Variants in STK31 observed in about 807,000 individuals in gnomAD.
STK31 encodes serine/threonine-protein kinase 31.
In STK31, 89 loss-of-function variants were observed where a neutral mutation model predicts 129.7. The observed-to-expected ratio is 0.69, with a 90% CI of 0.58 to 0.82. The LOEUF (loss-of-function observed/expected upper bound fraction) is 0.82, where lower values mean the gene tolerates loss of function less well. Among genes scored for constraint, STK31 ranks in the 40% least tolerant of loss-of-function variants. The pLI, the probability that STK31 is intolerant of heterozygous loss-of-function variation, is 0.00. For missense variants in STK31, 1,187 were observed against 1,176.4 expected (o/e 1.01, Z -0.13); for synonymous variants, 448 against 395.3 (o/e 1.13, Z -1.58).
intron 12 of STK31, 68 bp from the exon 13 acceptor site, chr7:23,769,572 G>A (rs998660014): frequency 1.3e-5 from 14 of 1,078,174 alleles, no homozygotes; most frequent in Non-Finnish European, 1.8e-5. Flanking sequence ...TCTGCTTCAG[G>A]TATTAAGGCA....
intron 22 of STK31, among the ~76,000 whole-genome samples, chr7:23,799,268 A>C (rs1390303341): frequency 1.3e-5 from 2 of 152,124 alleles, no homozygotes; most frequent in Admixed American, 1.3e-4. Flanking sequence ...GGAACCAAAA[A>C]GCCCGTATAG....
At chr7:23,827,402 T>G (rs6461742) in intron 23 of STK31, among the ~76,000 whole-genome samples, 71,470 of 151,888 alleles carry the variant, frequency 0.47, 17,072 homozygotes, top group Admixed American at 0.53. Context: ...TTACTGAGTC[T>G]TGTGCATTCG....
chr7:23,823,670 T>C (rs1460105373), intron 23 of STK31, among the ~76,000 whole-genome samples: 4 of 152,314 alleles, frequency 2.6e-5, no homozygotes, highest in Non-Finnish European at 2.9e-5. Context: ...GAAGTCCTTG[T>C]CCATGCCTAT....
At chr7:23,748,280 G>A (rs546893926) in intron 8 of STK31, among the ~76,000 whole-genome samples, 2 of 152,026 alleles carry the variant, frequency 1.3e-5, no homozygotes, top group South Asian at 4.2e-4. Flanking sequence ...TTGATTTTTA[G>A]CTTATTCTAC....
chr7:23,728,976 A>T, intron 5 of STK31, 115 bp from the exon 6 acceptor site: 1 of 841,686 alleles, frequency 1.2e-6, no homozygotes, highest in Non-Finnish European at 1.7e-6. Flanking sequence ...TGTCATTTTG[A>T]GGTAAGAATG....
chr7:23,710,495 A>G, intron 1 of STK31, 160 bp downstream of exon 1: 1 of 1,496,222 alleles, frequency 6.7e-7, no homozygotes, highest in Non-Finnish European at 8.9e-7. Context: ...CAGATGCCCC[A>G]GTTTTTGAGT....
At chr7:23,803,449 T>TA (rs1792503847) in intron 22 of STK31, among the ~76,000 whole-genome samples, 1 of 152,250 alleles carries the variant, frequency 6.6e-6, no homozygotes, top group African/African-American at 2.4e-5. Context: ...ATATCAAAGA[T>TA]ACTGTGGTTT....
intron 6 of STK31, among the ~76,000 whole-genome samples, chr7:23,730,878 A>ATATATTTT: frequency 1.7e-5 from 1 of 59,554 alleles, no homozygotes; most frequent in East Asian, 4.5e-4. Context: ...ATATATATAT[A>ATATATTTT]TTTTTTTTTT....
At chr7:23,794,858 T>C (rs553621430) in intron 22 of STK31, among the ~76,000 whole-genome samples, 99 of 152,268 alleles carry the variant, frequency 6.5e-4, no homozygotes, top group African/African-American at 2.3e-3. Flanking sequence ...AGCAGCAAAG[T>C]GTTCAAGAGG....
chr7:23,769,544 C>A, intron 12 of STK31, 96 bp from the exon 13 acceptor site: 1 of 806,478 alleles, frequency 1.2e-6, no homozygotes. Flanking sequence ...TTACATTGCC[C>A]AGGGTATAGC....
rs1467547887 is a variant in STK31, at chr7:23,769,671, T to C, written c.1628T>C (p.Ile543Thr). 2.5e-6 allele frequency: 4 copies of C among 1,611,916 alleles called. No individual in the cohort carries two copies. Among genetic ancestry groups the C allele is most frequent in the South Asian group, 1.1e-5 (1 of 90,650 alleles). ...GACCTATCTGTGGAAGGATCACTGA[T>C]TTCAGAAGACGCAATGGATAATATT... ...VFDLSVEGSL[I>T]SEDAMDNIDE... Residue 543 changes from isoleucine to threonine, a missense_variant, in exon 13 of 24, where the codon ATT (isoleucine) becomes ACT (threonine). Physicochemically the swap from Ile to Thr is moderately conservative, Grantham distance 89. Coordinates refer to ENST00000355870, the MANE Select transcript of STK31 (RefSeq NM_031414.5).
chr7:23,722,482 T>G (rs1786772488), intron 4 of STK31: 1 of 152,758 alleles, frequency 6.5e-6, no homozygotes, highest in Admixed American at 6.5e-5. Context: ...CTGTATGAGG[T>G]GTCAGTCTGC....
chr7:23,780,726 A>G (rs1790871836), intron 15 of STK31, among the ~76,000 whole-genome samples: 1 of 152,194 alleles, frequency 6.6e-6, no homozygotes, highest in Non-Finnish European at 1.5e-5. Context: ...TAAGCCATCA[A>G]TTTACCTTGT....
At chr7:23,818,147 G>T (rs547862144) in intron 23 of STK31, among the ~76,000 whole-genome samples, 1 of 152,044 alleles carries the variant, frequency 6.6e-6, no homozygotes, top group African/African-American at 2.4e-5. Flanking sequence ...ATATCAACAA[G>T]ATCTACCTGT....
rs185818845 is a variant in STK31, at chr7:23,794,714, T to C, written c.2760+3768T>C. On this transcript the variant is annotated intron_variant, in intron 22 of 23. Transcript: ENST00000355870. ...TGGTCTCACCTGGAGATGAGGGACT[T>C]GTTGGAACTAGAATAAACGCGACTC... 2.0e-3 allele frequency among the ~76,000 whole-genome samples: 299 copies of C among 152,288 alleles called. 1 individual carries two copies. Among genetic ancestry groups the C allele is most frequent in the African/African-American group, 6.8e-3 (284 of 41,564 alleles).
chr7:23,830,438 G>A (rs1794471619), intron 23 of STK31, among the ~76,000 whole-genome samples: 1 of 151,930 alleles, frequency 6.6e-6, no homozygotes, highest in Non-Finnish European at 1.5e-5. Context: ...GTTTTGTTAT[G>A]TTGCTTTGAT....
intron 22 of STK31, among the ~76,000 whole-genome samples, chr7:23,808,805 C>G (rs950223410): frequency 2.0e-5 from 3 of 150,500 alleles, no homozygotes; most frequent in African/African-American, 7.3e-5. Context: ...ACTACTAATA[C>G]TACGGATGGG....
intron 23 of STK31, among the ~76,000 whole-genome samples, chr7:23,828,604 C>T (rs1794337483): frequency 6.6e-6 from 1 of 152,242 alleles, no homozygotes; most frequent in African/African-American, 2.4e-5. Flanking sequence ...CACTGTCCTG[C>T]ACCCACTGTC....
At chr7:23,821,155 ACTAT>A (rs1338150390) in intron 23 of STK31, among the ~76,000 whole-genome samples, 5 of 152,156 alleles carry the variant, frequency 3.3e-5, no homozygotes, top group East Asian at 1.9e-4. Flanking sequence ...TATTTTGATA[ACTAT>A]CAAGTAGTGG....
Sources: gnomAD v4.1 joint callset for allele counts (sites outside exome capture counted in the v4.1 genomes callset) on GRCh38, gnomAD v4.1.1 for gene constraint, MANE v1.5 for transcripts, NCBI Gene and HGNC (gene_info 2026-07-23, HGNC 2026-07-21) for gene names.